Variants in EDA observed in about 807,000 individuals in gnomAD.
EDA encodes ectodysplasin-A.
Under a neutral mutation model 23.6 loss-of-function variants are expected in EDA, and 2 were observed. The ratio of observed to expected loss-of-function variants is 0.08; its 90% CI spans 0.03 to 0.27. The LOEUF (loss-of-function observed/expected upper bound fraction) is 0.27, where lower values mean the gene tolerates loss of function less well. EDA is among the 10% of genes least tolerant of loss of function. The probability of loss-of-function intolerance (pLI) is 1.00; values close to 1 mark genes in which losing one functional copy is unlikely to be tolerated. For missense variants in EDA, 229 were observed against 324.2 expected, an observed-to-expected ratio of 0.71 and a Z score of 2.26; for synonymous variants, 131 against 132.0, an observed-to-expected ratio of 0.99 and a Z score of 0.05.
intron 1 of EDA, among the ~76,000 whole-genome samples, chrX:69,789,197 C>A (rs1366356534): frequency 8.9e-6 from 1 of 111,922 alleles, no homozygotes; most frequent in Non-Finnish European, 1.9e-5. Context: ...CTGTCTCGCA[C>A]TCCCTAGTGA....
At chrX:69,710,843 G>A (rs2011984224) in intron 1 of EDA, among the ~76,000 whole-genome samples, 1 of 111,839 alleles carries the variant, frequency 8.9e-6, no homozygotes, top group African/African-American at 3.3e-5. Context: ...CATTGATTTT[G>A]TATCCTGAGA....
At chrX:69,949,188 A>G (rs2018877724) in intron 1 of EDA, among the ~76,000 whole-genome samples, 1 of 112,166 alleles carries the variant, frequency 8.9e-6, no homozygotes, top group Admixed American at 9.4e-5. Flanking sequence ...AGAGCCTGGT[A>G]TGTACCTGCC....
intron 1 of EDA, among the ~76,000 whole-genome samples, chrX:69,877,757 C>T (rs1261348362): frequency 8.9e-6 from 1 of 112,300 alleles, no homozygotes; most frequent in Non-Finnish European, 1.9e-5. Context: ...CCCAAGGTTA[C>T]AGAGATTTTC....
intron 1 of EDA, among the ~76,000 whole-genome samples, chrX:69,680,879 T>A (rs4537461): frequency 5.1e-5 from 5 of 98,738 alleles, no homozygotes; most frequent in Admixed American, 2.3e-4. Flanking sequence ...GTTAGCTGGT[T>A]ATTTTGCTTG....
chrX:70,018,366 GAACCAAA>G (rs1419715912), intron 2 of EDA, among the ~76,000 whole-genome samples: 1 of 111,659 alleles, frequency 9.0e-6, no homozygotes, highest in Non-Finnish European at 1.9e-5. Context: ...AATTCATATG[GAACCAAA>G]AAAGAGCCTG....
chrX:69,741,959 C>G (rs1223168453), intron 1 of EDA, among the ~76,000 whole-genome samples: 2 of 112,022 alleles, frequency 1.8e-5, no homozygotes, highest in East Asian at 5.7e-4. Flanking sequence ...TTCTTATGGT[C>G]TTCCTGCCCC....
At chrX:69,723,047 A>C (rs771994127) in intron 1 of EDA, among the ~76,000 whole-genome samples, 1 of 112,032 alleles carries the variant, frequency 8.9e-6, no homozygotes, top group South Asian at 3.7e-4. Context: ...TTGTACAGTC[A>C]TAACTTCACC....
intron 2 of EDA, among the ~76,000 whole-genome samples, chrX:69,994,060 G>A (rs5936528): frequency 0.23 from 26,045 of 111,067 alleles, 2,516 homozygotes; most frequent in Non-Finnish European, 0.3. Context: ...ATTGGATATT[G>A]ACTTCTTATT....
chrX:69,654,885 C>T (rs1290394394), intron 1 of EDA, among the ~76,000 whole-genome samples: 1 of 108,412 alleles, frequency 9.2e-6, no homozygotes, highest in Non-Finnish European at 1.9e-5. Flanking sequence ...CAACATGGCA[C>T]ATGTATACAT....
chrX:69,718,403 A>G (rs111498397), intron 1 of EDA, among the ~76,000 whole-genome samples: 1,937 of 111,250 alleles, frequency 0.017, 48 homozygotes, highest in African/African-American at 0.06. Flanking sequence ...CTCAGATTTT[A>G]CCATTAAGTA....
At chrX:69,652,200 G>A (rs1053012239) in intron 1 of EDA, among the ~76,000 whole-genome samples, 2 of 110,752 alleles carry the variant, frequency 1.8e-5, no homozygotes, top group Non-Finnish European at 3.8e-5. Flanking sequence ...ATTCAGAGCA[G>A]TCAAATGACT....
intron 1 of EDA, among the ~76,000 whole-genome samples, chrX:69,825,509 A>G (rs1602450869): frequency 9.0e-6 from 1 of 111,250 alleles, no homozygotes; most frequent in South Asian, 3.8e-4. Flanking sequence ...GTATTCTCTG[A>G]TGGTAGTTTG....
At chrX:69,696,850 G>A (rs1342544469) in intron 1 of EDA, among the ~76,000 whole-genome samples, 2 of 112,322 alleles carry the variant, frequency 1.8e-5, no homozygotes, top group African/African-American at 6.5e-5. Context: ...CAAAATATGT[G>A]TACTTTAAAC....
At chrX:69,715,762 G>T (rs930441220) in intron 1 of EDA, among the ~76,000 whole-genome samples, 1 of 111,663 alleles carries the variant, frequency 9.0e-6, no homozygotes, top group Admixed American at 9.5e-5. Flanking sequence ...TGACTTTCTA[G>T]TAGTAGTCAT....
At chrX:69,910,372 AGAGTGTGTGTGTGTGTGT>A (rs1398463580) in intron 1 of EDA, among the ~76,000 whole-genome samples, 37 of 51,450 alleles carry the variant, frequency 7.2e-4, no homozygotes, top group South Asian at 1.1e-3. Flanking sequence ...AGAGAGAGAG[AGAGTGTGTGTGTGTGTGT>A]GTGTGTGTGT....
chrX:69,853,856 T>G lies in EDA; in HGVS notation c.397-103171T>G, dbSNP rs185958773. 1.7e-4 allele frequency among the ~76,000 whole-genome samples: 19 copies of G among 112,389 alleles called. No individual in the cohort carries two copies. In the East Asian group the frequency reaches 4.8e-3, roughly 28 times the overall value. ...CATACTCCTCTGTTTGTTTTTTGTT[T>G]GTTTGTTTGTTTTTGGTTTCTTTCA... On this transcript the variant is annotated intron_variant, in intron 1 of 7. Transcript: ENST00000374552.
chrX:69,776,287 CTG>C (rs2014780034), intron 1 of EDA, among the ~76,000 whole-genome samples: 1 of 111,768 alleles, frequency 8.9e-6, no homozygotes, highest in South Asian at 3.7e-4. Flanking sequence ...TGTAGTTTGG[CTG>C]TGTCCCCACC....
At position 69,708,596 on chromosome X, in the gene EDA, G is replaced by A. The variant is rs1432131582; in HGVS notation, c.396+91892G>A. On this transcript the variant is annotated intron_variant, in intron 1 of 7. Coordinates refer to ENST00000374552, the MANE Select transcript of EDA (RefSeq NM_001399.5). The stretch of plus-strand genomic sequence containing the variant: ...CTTCACTTGCAGGGACATCTTCTAC[G>A]GCCCTATAACTAATTTTGTATTTGT... 2.7e-5 allele frequency among the ~76,000 whole-genome samples: 3 copies of A among 110,522 alleles called. No individual in the cohort carries two copies. The East Asian group carries it at 8.6e-4, about 32-fold the overall frequency.
chrX:70,010,785 A>C (rs2019864246), intron 2 of EDA, among the ~76,000 whole-genome samples: 1 of 111,541 alleles, frequency 9.0e-6, no homozygotes, highest in Non-Finnish European at 1.9e-5. Flanking sequence ...CACGTGTTAC[A>C]TGATGTCAAA....
Sources: allele counts gnomAD v4.1 joint callset (sites outside exome capture counted in the v4.1 genomes callset), GRCh38; gene constraint gnomAD v4.1.1; transcripts MANE v1.5; gene names NCBI Gene and HGNC (gene_info 2026-07-23, HGNC 2026-07-21).